Variants in UBE2R2 observed in about 807,000 individuals in gnomAD.
UBE2R2 encodes the protein ubiquitin-conjugating enzyme E2 R2.
In UBE2R2, 1 loss-of-function variant was observed where a neutral mutation model predicts 27.8. The ratio of observed to expected loss-of-function variants is 0.04; its 90% CI spans 0.01 to 0.17. The LOEUF (loss-of-function observed/expected upper bound fraction) is 0.17, where lower values mean the gene tolerates loss of function less well. Ranked by LOEUF, UBE2R2 falls within the 10% of genes least tolerant of loss-of-function variation. The pLI is 1.00. For synonymous variants in UBE2R2, 106 were observed against 113.3 expected, an observed-to-expected ratio of 0.94 and a Z score of 0.41; for missense variants, 100 against 291.0, an observed-to-expected ratio of 0.34 and a Z score of 4.78.
At chr9:33,821,501 G>A (rs185668536) in intron 1 of UBE2R2, among the ~76,000 whole-genome samples, 2 of 152,096 alleles carry the variant, frequency 1.3e-5, no homozygotes, top group East Asian at 1.9e-4. Flanking sequence ...TTGTAGCTTA[G>A]TGTGGGTGCT....
intron 1 of UBE2R2, among the ~76,000 whole-genome samples, chr9:33,880,678 G>A (rs1338585393): frequency 6.6e-6 from 1 of 152,140 alleles, no homozygotes; most frequent in African/African-American, 2.4e-5. Flanking sequence ...GTGCCTACCC[G>A]ATACTGATCT....
At chr9:33,898,850 C>T (rs111748554) in intron 2 of UBE2R2, among the ~76,000 whole-genome samples, 10 of 152,304 alleles carry the variant, frequency 6.6e-5, no homozygotes, top group Non-Finnish European at 1.2e-4. Context: ...TGTATTTTAC[C>T]TAACTTTATC....
In UBE2R2 at chr9:33,920,278, T is replaced by C. The variant is rs772820992; in HGVS notation, c.*3041T>C. 28 of 152,566 alleles carry C rather than the reference T, an allele frequency of 1.8e-4. No individual in the cohort carries two copies. Among genetic ancestry groups the C allele is most frequent in the Non-Finnish European group, 3.2e-4 (22 of 68,016 alleles). The allele number at this position is 152,566 out of a possible 1,614,324, so 9.5% of individuals were successfully genotyped here. On this transcript the variant is annotated 3_prime_UTR_variant, in exon 5 of 5. Transcript: ENST00000263228. ...AGATGTTTTGCTTCAGTTTAACTTA[T>C]GAGAAAAGATTATCTGACGGATTTT... is the stretch of plus-strand genomic sequence containing the variant.
intron 1 of UBE2R2, among the ~76,000 whole-genome samples, chr9:33,840,439 T>C (rs1028594765): frequency 6.6e-6 from 1 of 152,228 alleles, no homozygotes; most frequent in African/African-American, 2.4e-5. Flanking sequence ...AGTTTTTATG[T>C]TGAAGAACCC....
intron 1 of UBE2R2, among the ~76,000 whole-genome samples, chr9:33,849,409 T>A (rs1323521531): frequency 6.6e-6 from 1 of 152,166 alleles, no homozygotes; most frequent in Non-Finnish European, 1.5e-5. Context: ...GAAATATCTG[T>A]TATATATAGG....
intron 4 of UBE2R2, among the ~76,000 whole-genome samples, chr9:33,912,777 T>C (rs887500001): frequency 7.2e-5 from 11 of 152,164 alleles, no homozygotes; most frequent in Non-Finnish European, 2.9e-5. Context: ...TGGAATCTAC[T>C]CATGGGACCA....
At chr9:33,833,465 A>G (rs1820543234) in intron 1 of UBE2R2, among the ~76,000 whole-genome samples, 1 of 152,194 alleles carries the variant, frequency 6.6e-6, no homozygotes, top group African/African-American at 2.4e-5. Flanking sequence ...AAGTGCTGGG[A>G]TTACAGACAT....
intron 1 of UBE2R2, among the ~76,000 whole-genome samples, chr9:33,852,639 T>C (rs183568692): frequency 2.0e-5 from 3 of 152,316 alleles, no homozygotes; most frequent in Admixed American, 1.3e-4. Context: ...GGCCTTGCTT[T>C]GCCTCTGTGA....
At chr9:33,870,869 T>A (rs1821471908) in intron 1 of UBE2R2, among the ~76,000 whole-genome samples, 1 of 152,056 alleles carries the variant, frequency 6.6e-6, no homozygotes. Flanking sequence ...AAACTGAGAG[T>A]TGTCCTTGAA....
At chr9:33,902,446 A>G (rs572615782) in intron 3 of UBE2R2, among the ~76,000 whole-genome samples, 1 of 152,320 alleles carries the variant, frequency 6.6e-6, no homozygotes, top group East Asian at 1.9e-4. Context: ...AATGGTGGAT[A>G]TTACCTGGCT....
chr9:33,858,607 G>T (rs1821157843), intron 1 of UBE2R2, among the ~76,000 whole-genome samples: 1 of 151,876 alleles, frequency 6.6e-6, no homozygotes, highest in Admixed American at 6.6e-5. Context: ...TTGCCATGTT[G>T]CCCAGGCTGG....
chr9:33,838,492 T>C (rs1820663392), intron 1 of UBE2R2, among the ~76,000 whole-genome samples: 1 of 152,282 alleles, frequency 6.6e-6, no homozygotes, highest in African/African-American at 2.4e-5. Flanking sequence ...TGTTTGCTAA[T>C]GTTAATCTGC....
intron 1 of UBE2R2, among the ~76,000 whole-genome samples, chr9:33,833,143 A>G (rs544423496): frequency 6.0e-4 from 92 of 152,176 alleles, no homozygotes; most frequent in Non-Finnish European, 1.1e-3. Context: ...CAGCTCAGTG[A>G]AACCTCCGCC....
chr9:33,865,653 T>C (rs1389022136), intron 1 of UBE2R2, among the ~76,000 whole-genome samples: 1 of 152,294 alleles, frequency 6.6e-6, no homozygotes, highest in South Asian at 2.1e-4. Flanking sequence ...TAGTTATAGT[T>C]TTAATTTAGA....
At chr9:33,820,201 A>G (rs1825953836) in intron 1 of UBE2R2, among the ~76,000 whole-genome samples, 1 of 152,128 alleles carries the variant, frequency 6.6e-6, no homozygotes, top group African/African-American at 2.4e-5. Flanking sequence ...AGTGTGGAGA[A>G]CCCTCTCTGA....
chr9:33,858,810 GTTTGTTTTGT>G (rs377254347), intron 1 of UBE2R2, among the ~76,000 whole-genome samples: 275 of 151,608 alleles, frequency 1.8e-3, no homozygotes, highest in African/African-American at 5.8e-3. Context: ...TTATGGAGGA[GTTTGTTTTGT>G]TTTGTTTTGT....
chr9:33,874,050 CA>C (rs1453788419), intron 1 of UBE2R2, among the ~76,000 whole-genome samples: 6 of 151,482 alleles, frequency 4.0e-5, no homozygotes, highest in African/African-American at 1.5e-4. Context: ...CGAGTTCAAG[CA>C]ATTCTCCTGT....
Position 33,872,210 on chromosome 9 carries a change from A to G in UBE2R2, c.178-14671A>G, listed in dbSNP as rs572529968. On this transcript the variant is annotated intron_variant, in intron 1 of 4. Transcript: ENST00000263228. ...GGAGTTCGAGACCAGCCTGGGGAAC[A>G]TGGGGAACTATCTCTACCAAAAAAA... is the stretch of plus-strand genomic sequence containing the variant. 1.5e-3 allele frequency among the ~76,000 whole-genome samples: 228 copies of G among 151,440 alleles called. 1 individual carries two copies. The highest frequency in any genetic ancestry group is 2.7e-3 in the Non-Finnish European group (181 of 67,846).
At chr9:33,860,566 A>C (rs1821207061) in intron 1 of UBE2R2, among the ~76,000 whole-genome samples, 1 of 151,736 alleles carries the variant, frequency 6.6e-6, no homozygotes, top group African/African-American at 2.4e-5. Context: ...ATTTGTTTGA[A>C]TTTTCTTCTT....
Sources: gnomAD v4.1 joint callset for allele counts (sites outside exome capture counted in the v4.1 genomes callset) on GRCh38, gnomAD v4.1.1 for gene constraint, MANE v1.5 for transcripts, NCBI Gene and HGNC (gene_info 2026-07-23, HGNC 2026-07-21) for gene names.